KCNIP4: variants seen among roughly 807,000 people sequenced by gnomAD.
The protein encoded by KCNIP4 is Kv channel-interacting protein 4.
KCNIP4 carries 12 observed loss-of-function variants against 34.0 expected under a neutral mutation model. The observed-to-expected ratio is 0.35, with a 90% CI of 0.23 to 0.57. The LOEUF (loss-of-function observed/expected upper bound fraction) is 0.57. Among genes scored for constraint, KCNIP4 ranks in the 20% least tolerant of loss-of-function variants. The pLI, the probability that KCNIP4 is intolerant of heterozygous loss-of-function variation, is 0.83. For missense variants in KCNIP4, 238 were observed against 311.7 expected, an observed-to-expected ratio of 0.76 and a Z score of 1.78; for synonymous variants, 124 against 102.2, an observed-to-expected ratio of 1.21 and a Z score of -1.29.
At chr4:21,672,376 T>C (rs537061456) in intron 1 of KCNIP4, among the ~76,000 whole-genome samples, 40 of 152,338 alleles carry the variant, frequency 2.6e-4, no homozygotes, top group African/African-American at 9.4e-4. Context: ...ACACATCTGC[T>C]GTGAGACCAT....
intron 1 of KCNIP4, among the ~76,000 whole-genome samples, chr4:21,293,094 A>G (rs1397203186): frequency 6.6e-6 from 1 of 152,186 alleles, no homozygotes; most frequent in African/African-American, 2.4e-5. Flanking sequence ...AAAACAAATG[A>G]TAATAAATAG....
chr4:21,190,498 C>A (rs201433014), intron 1 of KCNIP4, among the ~76,000 whole-genome samples: 22 of 108,944 alleles, frequency 2.0e-4, no homozygotes, highest in African/African-American at 7.7e-4. Context: ...TTTCTTTTTG[C>A]GAGTGGGTGG....
chr4:20,890,575 G>A (rs746158961), intron 1 of KCNIP4, among the ~76,000 whole-genome samples: 1 of 151,924 alleles, frequency 6.6e-6, no homozygotes, highest in African/African-American at 2.4e-5. Flanking sequence ...CCTACAATGG[G>A]CAGATTAATA....
intron 1 of KCNIP4, among the ~76,000 whole-genome samples, chr4:21,459,285 T>C (rs1729240645): frequency 6.6e-6 from 1 of 152,038 alleles, no homozygotes; most frequent in South Asian, 2.1e-4. Context: ...AGTGGCAGCA[T>C]TTGATAAGGT....
intron 1 of KCNIP4, among the ~76,000 whole-genome samples, chr4:21,673,866 T>C (rs900514352): frequency 1.3e-5 from 2 of 152,212 alleles, no homozygotes; most frequent in Non-Finnish European, 2.9e-5. Flanking sequence ...GACTGACTTG[T>C]AGTCAGCGTT....
At chr4:21,194,905 T>G (rs1035915066) in intron 1 of KCNIP4, among the ~76,000 whole-genome samples, 1 of 152,208 alleles carries the variant, frequency 6.6e-6, no homozygotes, top group Non-Finnish European at 1.5e-5. Flanking sequence ...GCCATTTTTT[T>G]CTTTTAACAC....
chr4:20,836,379 T>TA, intron 3 of KCNIP4, among the ~76,000 whole-genome samples: 1 of 152,280 alleles, frequency 6.6e-6, no homozygotes, highest in Non-Finnish European at 1.5e-5. Context: ...GGTCTGCCAT[T>TA]AAAAAACCCT....
At chr4:21,113,045 C>T (rs1374073006) in intron 1 of KCNIP4, among the ~76,000 whole-genome samples, 1 of 152,136 alleles carries the variant, frequency 6.6e-6, no homozygotes, top group Non-Finnish European at 1.5e-5. Context: ...ATACTTAGTA[C>T]ATAAATATAA....
intron 1 of KCNIP4, among the ~76,000 whole-genome samples, chr4:21,246,841 C>T (rs549393233): frequency 6.6e-6 from 1 of 152,246 alleles, no homozygotes; most frequent in East Asian, 1.9e-4. Flanking sequence ...TTTTCACAAG[C>T]ACTAATAGTT....
chr4:21,397,713 A>T (rs1250950581), intron 1 of KCNIP4, among the ~76,000 whole-genome samples: 1 of 152,206 alleles, frequency 6.6e-6, no homozygotes, highest in Non-Finnish European at 1.5e-5. Flanking sequence ...TGATGCTATC[A>T]AAAAGCTAAA....
At chr4:21,845,426 C>T (rs1046399681) in intron 1 of KCNIP4, 16 of 152,008 alleles carry the variant, frequency 1.1e-4, no homozygotes, top group Admixed American at 9.8e-4. Flanking sequence ...ACATAAAAAT[C>T]GTTCCAAGTA....
intron 1 of KCNIP4, among the ~76,000 whole-genome samples, chr4:21,172,844 C>T (rs750089054): frequency 3.3e-5 from 5 of 152,146 alleles, no homozygotes; most frequent in Admixed American, 6.5e-5. Flanking sequence ...GACCCCACTC[C>T]GGTGTGTTTA....
intron 1 of KCNIP4, among the ~76,000 whole-genome samples, chr4:21,879,285 A>G (rs1399568306): frequency 6.6e-6 from 1 of 152,192 alleles, no homozygotes; most frequent in Non-Finnish European, 1.5e-5. Context: ...GTTGTCTTGG[A>G]AGCTCAGAGG....
intron 2 of KCNIP4, among the ~76,000 whole-genome samples, chr4:20,861,970 G>GTTATTATTA (rs57269885): frequency 0.087 from 12,382 of 142,004 alleles, 726 homozygotes; most frequent in African/African-American, 0.16. Context: ...TATGGTAGGA[G>GTTATTATTA]TTATTATTAT....
intron 1 of KCNIP4, among the ~76,000 whole-genome samples, chr4:21,941,814 A>G (rs546572019): frequency 2.6e-5 from 4 of 152,350 alleles, no homozygotes; most frequent in Non-Finnish European, 4.4e-5. Context: ...TAACATGAGC[A>G]TGAAGGCCAA....
intron 1 of KCNIP4, among the ~76,000 whole-genome samples, chr4:20,936,414 G>GTTTTTTTTTTTTT (rs10676973): frequency 6.7e-6 from 1 of 150,322 alleles, no homozygotes. Flanking sequence ...TAAAAGATAT[G>GTTTTTTTTTTTTT]TTTTTTTTTT....
chr4:21,601,669 TC>T (rs1293933000), intron 1 of KCNIP4, among the ~76,000 whole-genome samples: 2 of 152,084 alleles, frequency 1.3e-5, no homozygotes, highest in African/African-American at 4.8e-5. Flanking sequence ...ATGATCTGAT[TC>T]CTGCCTACCC....
At chr4:21,657,177 T>C (rs1359617781) in intron 1 of KCNIP4, among the ~76,000 whole-genome samples, 1 of 152,256 alleles carries the variant, frequency 6.6e-6, no homozygotes, top group Non-Finnish European at 1.5e-5. Context: ...TTGAGACTTT[T>C]CAACGCTGCT....
At chr4:20,880,238 G>T (rs1289137586) in intron 2 of KCNIP4, among the ~76,000 whole-genome samples, 3 of 152,066 alleles carry the variant, frequency 2.0e-5, no homozygotes, top group Non-Finnish European at 4.4e-5. Flanking sequence ...GTGTGTGTGG[G>T]CTCTTATCTT....
Sources: allele counts gnomAD v4.1 joint callset (sites outside exome capture counted in the v4.1 genomes callset), GRCh38; gene constraint gnomAD v4.1.1; transcripts MANE v1.5; gene names NCBI Gene and HGNC (gene_info 2026-07-23, HGNC 2026-07-21).